The following MICAL2 variants were observed in gnomAD, a reference collection of about 807,000 sequenced individuals.
MICAL2 encodes the protein [F-actin]-monooxygenase MICAL2.
MICAL2 carries 77 observed loss-of-function variants against 127.3 expected under a neutral mutation model. The ratio of observed to expected loss-of-function variants is 0.60; its 90% CI spans 0.50 to 0.73. MICAL2 has a LOEUF of 0.73. Among genes scored for constraint, MICAL2 ranks in the 30% least tolerant of loss-of-function variants. The pLI is 0.00. For synonymous variants in MICAL2, 570 were observed against 551.1 expected (o/e 1.03, Z -0.48); for missense variants, 1,351 against 1,434.4 (o/e 0.94, Z 0.94).
chr11:12,290,952 A>C (rs1385070830), downstream of MICAL2, among the ~76,000 whole-genome samples: 1 of 152,014 alleles, frequency 6.6e-6, no homozygotes, highest in Non-Finnish European at 1.5e-5. Context: ...AGAGCTTTTC[A>C]CTCAGAGCTT....
In MICAL2 at chr11:12,245,314, A is replaced by T. The variant is rs564777708; in HGVS notation, c.2784+1202A>T. Among the ~76,000 whole-genome samples, 13 of 152,274 alleles carry T rather than the reference A, an allele frequency of 8.5e-5. No individual in the cohort carries two copies. In the East Asian group the frequency reaches 1.5e-3, roughly 18 times the overall value. On this transcript the variant is annotated intron_variant, in intron 21 of 27. Coordinates refer to ENST00000683283, the MANE Select transcript of MICAL2 (RefSeq NM_001282663.2). ...GTCATGCTGCACGTGCCGCTGCCAG[A>T]AGGAGTGCTGGTCTGTTTCTGTGCT...
chr11:12,298,727 T>A (rs1864014131), intron 29 of MICAL2, among the ~76,000 whole-genome samples: 1 of 152,134 alleles, frequency 6.6e-6, no homozygotes, highest in African/African-American at 2.4e-5. Flanking sequence ...TCATCAAATG[T>A]CTTTTCAGCA....
At chr11:12,312,628 TTG>T (rs1156594655) in intron 29 of MICAL2, among the ~76,000 whole-genome samples, 1 of 152,226 alleles carries the variant, frequency 6.6e-6, no homozygotes, top group African/African-American at 2.4e-5. Flanking sequence ...TCATAGTTTT[TTG>T]TGACATGGGA....
At chr11:12,208,378 C>A (rs1053590076) in intron 5 of MICAL2, 5 of 413,610 alleles carry the variant, frequency 1.2e-5, no homozygotes, top group African/African-American at 2.0e-5. Context: ...TACCCTGTCC[C>A]AAGGGGTTGC....
intron 15 of MICAL2, among the ~76,000 whole-genome samples, chr11:12,230,053 G>T (rs1858017462): frequency 6.6e-6 from 1 of 152,170 alleles, no homozygotes; most frequent in East Asian, 1.9e-4. Flanking sequence ...AGGCTACTGG[G>T]TCACCACACT....
chr11:12,207,270 T>A (rs1309762997), intron 4 of MICAL2, among the ~76,000 whole-genome samples: 1 of 152,216 alleles, frequency 6.6e-6, no homozygotes, highest in Non-Finnish European at 1.5e-5. Flanking sequence ...TTAGAGGGTG[T>A]GTTCTGTATC....
At position 12,341,504 on chromosome 11, in the gene MICAL2, GT is replaced by G. The variant is rs1243695197; in HGVS notation, c.5516-8326del. On this transcript the variant is annotated intron_variant, in intron 32 of 34. Transcript: ENST00000646065. ...CATAAGTTTAAAGAATAAATAGATC[GT>G]TTTTTTTCTCTACTACTATCTATTC... Among the ~76,000 whole-genome samples, 793 of 151,790 alleles carry G rather than the reference GT, an allele frequency of 5.2e-3. 34 individuals carry two copies. Among genetic ancestry groups the G allele is most frequent in the Admixed American group, 0.048 (734 of 15,234 alleles).
rs1849522930 is a variant in MICAL2 at position 12,110,685 on chromosome 11, A to C, written c.-190A>C. Reference sequence around the variant, plus strand: ...ATCGCTGCGCCCGCGGCCAGGGCCGAGGCAGGCCTGACCCGGGGCCGGGCA... The same window carrying C: ...ATCGCTGCGCCCGCGGCCAGGGCCGCGGCAGGCCTGACCCGGGGCCGGGCA... On this transcript the variant is annotated 5_prime_UTR_variant, in exon 1 of 28. Transcript: ENST00000683283. This position sits in a 1 kb window ranked among gnomAD's most constrained non-coding sequence, Gnocchi z 4.5. 1 of 145,034 alleles carries C rather than the reference A, an allele frequency of 6.9e-6. No homozygotes were observed. Among genetic ancestry groups the C allele is most frequent in the South Asian group, 2.3e-4 (1 of 4,430 alleles). 9.0% of individuals were successfully genotyped at this position (145,034 alleles called of 1,614,324 possible).
Position 12,222,508 on chromosome 11 carries a change from C to T in MICAL2, c.1323-109C>T, listed in dbSNP as rs145304056. 528 of 1,422,966 alleles carry T rather than the reference C, an allele frequency of 3.7e-4. 2 individuals carry two copies. The African/African-American group carries it at 6.6e-3, about 18-fold the overall frequency. The allele number at this position is 1,422,966 out of a possible 1,614,324, so 88.1% of individuals were successfully genotyped here. On this transcript the variant is annotated intron_variant, in intron 10 of 27. Transcript: ENST00000683283. ...GTATTTCAGGGAAGGGTTAGACAAA[C>T]ATGTCCAGGAAGCCCTTGAGCCAGA...
downstream of MICAL2, among the ~76,000 whole-genome samples, chr11:12,295,441 C>CTTTTTTTTTTTTTTTTTTTT (rs373402403): frequency 2.4e-5 from 3 of 126,380 alleles, no homozygotes; most frequent in African/African-American, 2.9e-5. Context: ...TGCTCAGCCT[C>CTTTTTTTTTTTTTTTTTTTT]TTTTTTTTTT....
chr11:12,220,678 C>T (rs1433906685), intron 9 of MICAL2, among the ~76,000 whole-genome samples: 3 of 152,240 alleles, frequency 2.0e-5, no homozygotes, highest in Non-Finnish European at 2.9e-5. Flanking sequence ...TCTCTCCTAT[C>T]TCCTGGCTCT....
chr11:12,148,812 AG>A, intron 2 of MICAL2, among the ~76,000 whole-genome samples: 1 of 120,288 alleles, frequency 8.3e-6, no homozygotes, highest in East Asian at 7.5e-4. Context: ...AGTGTAGAAA[AG>A]GGGGCCCAGG....
chr11:12,337,646 A>G (rs1481397066), intron 32 of MICAL2, among the ~76,000 whole-genome samples: 1 of 151,834 alleles, frequency 6.6e-6, no homozygotes, highest in Non-Finnish European at 1.5e-5. Flanking sequence ...AGATTCTGGT[A>G]TGTTGTGTCT....
chr11:12,204,895 G>A (rs1225736237), intron 4 of MICAL2, among the ~76,000 whole-genome samples: 3 of 152,126 alleles, frequency 2.0e-5, no homozygotes, highest in Admixed American at 6.5e-5. Flanking sequence ...GGAGGAAGGG[G>A]CCACACAAAA....
At chr11:12,163,742 C>A (rs1332774944) in intron 3 of MICAL2, 1 of 152,290 alleles carries the variant, frequency 6.6e-6, no homozygotes, top group Non-Finnish European at 1.5e-5. Context: ...GGGTGCCACT[C>A]CTGCCCAGTG....
At chr11:12,334,634 G>A (rs1211330726) in intron 32 of MICAL2, among the ~76,000 whole-genome samples, 1 of 125,906 alleles carries the variant, frequency 7.9e-6, no homozygotes, top group African/African-American at 3.2e-5. Flanking sequence ...TCCCCGGTGT[G>A]TGATGTTCCC....
intron 3 of MICAL2, among the ~76,000 whole-genome samples, chr11:12,193,570 G>A (rs1178099678): frequency 6.6e-6 from 1 of 152,218 alleles, no homozygotes; most frequent in African/African-American, 2.4e-5. Flanking sequence ...CTGTGAGGGA[G>A]AGAGAAGGGC....
chr11:12,257,908 C>T (rs1376210818), intron 24 of MICAL2, among the ~76,000 whole-genome samples: 4 of 152,202 alleles, frequency 2.6e-5, no homozygotes, highest in African/African-American at 9.7e-5. Context: ...GGGTCTTTTC[C>T]TCCCCATCAC....
intron 29 of MICAL2, among the ~76,000 whole-genome samples, chr11:12,299,658 TG>T (rs1188873969): frequency 6.6e-6 from 1 of 152,252 alleles, no homozygotes; most frequent in African/African-American, 2.4e-5. Flanking sequence ...TTTAATTTTT[TG>T]CATAAACGTT....
Sources: allele counts gnomAD v4.1 joint callset (sites outside exome capture counted in the v4.1 genomes callset), GRCh38; gene constraint gnomAD v4.1.1; non-coding constraint Gnocchi (gnomAD v3.1); transcripts MANE v1.5; gene names NCBI Gene and HGNC (gene_info 2026-07-23, HGNC 2026-07-21).